WWOX: variants seen among roughly 807,000 people sequenced by gnomAD.
WWOX encodes WW domain-containing oxidoreductase.
A neutral mutation model predicts 46.2 loss-of-function variants in WWOX; 69 were observed. The ratio of observed to expected loss-of-function variants is 1.49; its 90% CI spans 1.23 to 1.82. The LOEUF is 1.82. Ranked by LOEUF, WWOX falls within the 40% of genes most tolerant of loss-of-function variation. The pLI, the probability that WWOX is intolerant of heterozygous loss-of-function variation, is 0.00. For missense variants in WWOX, 919 were observed against 542.6 expected (o/e 1.69, Z -6.89); for synonymous variants, 359 against 202.6 (o/e 1.77, Z -6.56).
chr16:79,045,780 C>CTTTCTT (rs2048053509), intron 8 of WWOX, among the ~76,000 whole-genome samples: 6 of 54,226 alleles, frequency 1.1e-4, no homozygotes, highest in African/African-American at 3.3e-4. Flanking sequence ...TTTTCTTTTC[C>CTTTCTT]TTTTTTTTTT....
intron 8 of WWOX, chr16:79,078,149 G>C (rs546672388): frequency 6.6e-6 from 1 of 152,116 alleles, no homozygotes. Context: ...CTTGGGAGCC[G>C]ATGGCCTTCA....
At chr16:78,914,680 C>G (rs910436269) in intron 8 of WWOX, among the ~76,000 whole-genome samples, 3 of 151,672 alleles carry the variant, frequency 2.0e-5, no homozygotes, top group South Asian at 2.1e-4. Flanking sequence ...GAGATCCAGA[C>G]TATCCTGGCT....
At chr16:79,090,618 G>T (rs1310687938) in intron 8 of WWOX, among the ~76,000 whole-genome samples, 1 of 152,160 alleles carries the variant, frequency 6.6e-6, no homozygotes, top group Non-Finnish European at 1.5e-5. Flanking sequence ...ACAGGGTTCT[G>T]TGATGAGTGG....
At chr16:78,980,729 A>C (rs149268413) in intron 8 of WWOX, among the ~76,000 whole-genome samples, 1 of 152,132 alleles carries the variant, frequency 6.6e-6, no homozygotes, top group Non-Finnish European at 1.5e-5. Context: ...CATTCTCCCA[A>C]GGAGACTTTA....
At chr16:78,616,019 G>A (rs933890516) in intron 8 of WWOX, among the ~76,000 whole-genome samples, 7 of 152,040 alleles carry the variant, frequency 4.6e-5, no homozygotes, top group Non-Finnish European at 1.0e-4. Flanking sequence ...CAAAGTGCTG[G>A]GATTACAGGC....
chr16:78,556,808 C>T (rs998107000), intron 8 of WWOX, among the ~76,000 whole-genome samples: 1 of 151,894 alleles, frequency 6.6e-6, no homozygotes, highest in African/African-American at 2.4e-5. Context: ...CTACCCCCGC[C>T]CCCGGGTTCA....
chr16:78,628,337 G>C (rs1199730492), intron 8 of WWOX, among the ~76,000 whole-genome samples: 2 of 152,108 alleles, frequency 1.3e-5, no homozygotes, highest in Admixed American at 6.6e-5. Flanking sequence ...CCTTCCAGCA[G>C]AATCCCCTTT....
intron 6 of WWOX, among the ~76,000 whole-genome samples, chr16:78,405,548 C>G (rs1051732372): frequency 6.6e-6 from 1 of 152,180 alleles, no homozygotes; most frequent in Admixed American, 6.5e-5. Flanking sequence ...TCAGGACATT[C>G]TCTACCAGAC....
At chr16:78,464,305 A>T (rs2084021905) in intron 8 of WWOX, among the ~76,000 whole-genome samples, 2 of 151,594 alleles carry the variant, frequency 1.3e-5, no homozygotes. Context: ...AGGGAGAAGG[A>T]AAGAGAGGAA....
chr16:78,147,102 C>G (rs1365865523), intron 4 of WWOX, among the ~76,000 whole-genome samples: 1 of 151,736 alleles, frequency 6.6e-6, no homozygotes, highest in Non-Finnish European at 1.5e-5. Flanking sequence ...AAGTAATTAT[C>G]TTAAAGATAT....
At chr16:78,668,993 G>C (rs917016967) in intron 8 of WWOX, among the ~76,000 whole-genome samples, 3 of 152,180 alleles carry the variant, frequency 2.0e-5, no homozygotes, top group African/African-American at 7.2e-5. Context: ...AGAGCTAAAA[G>C]AGTAGTTTTG....
At chr16:78,787,035 G>C (rs1223734620) in intron 8 of WWOX, among the ~76,000 whole-genome samples, 1 of 152,036 alleles carries the variant, frequency 6.6e-6, no homozygotes, top group Admixed American at 6.5e-5. Context: ...GTAATCCCAG[G>C]TATTCAGGAG....
chr16:78,211,645 T>C (rs1169541582), intron 5 of WWOX, among the ~76,000 whole-genome samples: 1 of 152,198 alleles, frequency 6.6e-6, no homozygotes, highest in Non-Finnish European at 1.5e-5. Context: ...GTGCTTAGAA[T>C]CAGTGTGCTA....
intron 5 of WWOX, among the ~76,000 whole-genome samples, chr16:78,272,004 A>T (rs2079485850): frequency 6.6e-6 from 1 of 152,218 alleles, no homozygotes; most frequent in South Asian, 2.1e-4. Context: ...GACTACAGAT[A>T]AGTCAGCCAA....
At chr16:78,614,082 G>A (rs1291641843) in intron 8 of WWOX, among the ~76,000 whole-genome samples, 1 of 152,160 alleles carries the variant, frequency 6.6e-6, no homozygotes, top group East Asian at 1.9e-4. Flanking sequence ...TGCATGTTGT[G>A]TCACCCCTGG....
intron 5 of WWOX, among the ~76,000 whole-genome samples, chr16:78,226,125 G>T (rs2037046257): frequency 1.3e-5 from 2 of 152,144 alleles, no homozygotes; most frequent in African/African-American, 2.4e-5. Context: ...GTATCCTCGA[G>T]AAATGAGTGG....
chr16:78,945,388 C>T (rs182850317), intron 8 of WWOX, among the ~76,000 whole-genome samples: 2 of 152,122 alleles, frequency 1.3e-5, no homozygotes, highest in Admixed American at 6.6e-5. Context: ...ATTGTGAAAT[C>T]CACCCTTAGT....
intron 8 of WWOX, among the ~76,000 whole-genome samples, chr16:78,572,301 A>C (rs1319269077): frequency 6.6e-6 from 1 of 152,186 alleles, no homozygotes; most frequent in Non-Finnish European, 1.5e-5. Context: ...TCAGGATTAA[A>C]ACAGCGTTTA....
chr16:78,592,681 C>G (rs1238469621), intron 8 of WWOX, among the ~76,000 whole-genome samples: 1 of 152,168 alleles, frequency 6.6e-6, no homozygotes, highest in African/African-American at 2.4e-5. Flanking sequence ...TTAGGAATTG[C>G]ATTTCGCTGC....
Sources: allele counts gnomAD v4.1 joint callset (sites outside exome capture counted in the v4.1 genomes callset), GRCh38; gene constraint gnomAD v4.1.1; transcripts MANE v1.5; gene names NCBI Gene and HGNC (gene_info 2026-07-23, HGNC 2026-07-21).